ALMS1: variants seen among roughly 807,000 people sequenced by gnomAD.
ALMS1 encodes centrosome-associated protein ALMS1.
Under a neutral mutation model 352.2 loss-of-function variants are expected in ALMS1, and 271 were observed. That is an observed-to-expected ratio of 0.77 (90% CI 0.70 to 0.85). The LOEUF is 0.85. Among genes scored for constraint, ALMS1 ranks in the 40% least tolerant of loss-of-function variants. ALMS1 has a pLI of 0.00. For missense variants in ALMS1, 5,445 were observed against 4,870.7 expected (o/e 1.12, Z -3.51); for synonymous variants, 1,865 against 1,761.2 (o/e 1.06, Z -1.48).
intron 12 of ALMS1, among the ~76,000 whole-genome samples, chr2:73,535,986 T>A (rs1363929168): frequency 2.0e-5 from 3 of 152,120 alleles, no homozygotes; most frequent in Non-Finnish European, 1.5e-5. Flanking sequence ...CACTAAAGCC[T>A]CTGATACAAC....
intron 16 of ALMS1, among the ~76,000 whole-genome samples, chr2:73,582,059 AT>A (rs1356395168): frequency 2.0e-5 from 3 of 152,130 alleles, no homozygotes; most frequent in Non-Finnish European, 4.4e-5. Flanking sequence ...CATTTTTAAT[AT>A]CTTTGCCTTT....
chr2:73,468,438 T>C (rs770188842), intron 9 of ALMS1, among the ~76,000 whole-genome samples: 1 of 152,070 alleles, frequency 6.6e-6, no homozygotes, highest in Non-Finnish European at 1.5e-5. Context: ...AGTTTACTGG[T>C]GTTAAGTACA....
intron 11 of ALMS1, among the ~76,000 whole-genome samples, chr2:73,525,910 G>T (rs941965741): frequency 1.3e-5 from 2 of 152,130 alleles, no homozygotes; most frequent in Non-Finnish European, 2.9e-5. Context: ...ATAGCTTGAG[G>T]TCTTAGATTT....
At chr2:73,573,674 G>A in intron 16 of ALMS1, 1 of 616,678 alleles carries the variant, frequency 1.6e-6, no homozygotes, top group South Asian at 2.0e-5. Context: ...AGTCTGCAAA[G>A]TTTACCCCTG....
chr2:73,572,326 C>T lies in ALMS1; in HGVS notation c.10449C>T (p.Tyr3483=). 6.2e-7 allele frequency: 1 copy of T among 1,605,096 alleles called. No homozygotes were observed. The highest frequency in any genetic ancestry group is 8.5e-7 in the Non-Finnish European group (1 of 1,176,432). ...CTGTCTTCAGGTCAGCAAAGTTTTACATTCATCATCCCGTACACCTACCAA... is the reference window on the plus strand; with the variant it reads ...CTGTCTTCAGGTCAGCAAAGTTTTATATTCATCATCCCGTACACCTACCAA... ...TRSVFRSAKF[Y]IHHPVHLPSD... The change falls in exon 16 of 23, where the codon TAC becomes TAT. Residue 3483 remains tyrosine, a synonymous_variant. Coordinates refer to ENST00000613296, the MANE Select transcript of ALMS1 (RefSeq NM_001378454.1).
chr2:73,544,937 T>C (rs1335891018), intron 12 of ALMS1, among the ~76,000 whole-genome samples: 4 of 152,116 alleles, frequency 2.6e-5, no homozygotes, highest in African/African-American at 9.7e-5. Context: ...TTAGGCCAAC[T>C]GAAATAAGCC....
At chr2:73,560,770 G>A (rs967973076) in intron 15 of ALMS1, among the ~76,000 whole-genome samples, 5 of 152,150 alleles carry the variant, frequency 3.3e-5, no homozygotes, top group South Asian at 2.1e-4. Flanking sequence ...CATACTACAA[G>A]GTAGGTGAAC....
In ALMS1 at chr2:73,573,412, G is replaced by A; in HGVS notation, c.11535G>A (p.Arg3845=). Residue 3845 remains arginine (R), a synonymous_variant, in exon 16 of 23, where the codon AGG becomes AGA. Transcript: ENST00000613296. ...TAGTGACTTCTGAGCACACCAGAAG[G>A]AGACACATCCAGGTACATGGCTACA... ...HPLVTSEHTR[R]RHIQVANHVI... 1 of 1,614,028 alleles carries A rather than the reference G, an allele frequency of 6.2e-7. No homozygotes were observed. The highest frequency in any genetic ancestry group is 8.5e-7 in the Non-Finnish European group (1 of 1,179,982).
intron 3 of ALMS1, among the ~76,000 whole-genome samples, chr2:73,419,530 A>G (rs1481250178): frequency 2.0e-5 from 3 of 151,986 alleles, no homozygotes; most frequent in African/African-American, 7.2e-5. Context: ...TCATTTTATC[A>G]CTTCCCGTTG....
At chr2:73,424,352 TG>T in intron 4 of ALMS1, 77 bp from the exon 5 acceptor site, 1 of 895,072 alleles carries the variant, frequency 1.1e-6, no homozygotes, top group South Asian at 2.4e-5. Flanking sequence ...CAGTGACATA[TG>T]TATTTTTGTG....
intron 16 of ALMS1, among the ~76,000 whole-genome samples, chr2:73,584,427 G>C (rs1675264219): frequency 6.6e-6 from 1 of 152,096 alleles, no homozygotes; most frequent in South Asian, 2.1e-4. Context: ...ATTTCAATCT[G>C]TTGTTTGACT....
Position 73,507,921 on chromosome 2 carries a change from T to C in ALMS1, c.9540-11854T>C, listed in dbSNP as rs187252134. Among the ~76,000 whole-genome samples the C allele has an allele frequency of 1.3e-3, 191 of 152,270 alleles. 2 individuals carry two copies. The highest frequency in any genetic ancestry group is 2.2e-3 in the Admixed American group (34 of 15,300). On this transcript the variant is annotated intron_variant, in intron 10 of 22. Transcript: ENST00000613296. ...TTTCTCCTGTGGGCATTTAGTGCTA[T>C]AAATTTCCCTCTACACACTGCTTTA... is the stretch of plus-strand genomic sequence containing the variant.
chr2:73,431,703 A>G (rs947278641), intron 6 of ALMS1, among the ~76,000 whole-genome samples: 2 of 152,128 alleles, frequency 1.3e-5, no homozygotes, highest in African/African-American at 4.8e-5. Flanking sequence ...TAGTTCTTTG[A>G]TACTCTCATT....
At chr2:73,533,440 C>G (rs1673963694) in intron 11 of ALMS1, among the ~76,000 whole-genome samples, 1 of 152,130 alleles carries the variant, frequency 6.6e-6, no homozygotes, top group African/African-American at 2.4e-5. Flanking sequence ...AGTGTGACTT[C>G]CATTTCTGGG....
intron 1 of ALMS1, among the ~76,000 whole-genome samples, chr2:73,399,756 A>G (rs1476592005): frequency 6.6e-6 from 1 of 151,970 alleles, no homozygotes; most frequent in Non-Finnish European, 1.5e-5. Context: ...GAGTTTCATT[A>G]GGTATGATAT....
At chr2:73,544,148 A>C (rs1674259414) in intron 12 of ALMS1, among the ~76,000 whole-genome samples, 1 of 152,244 alleles carries the variant, frequency 6.6e-6, no homozygotes, top group Admixed American at 6.5e-5. Context: ...TGGATTAATT[A>C]AATGTGGCAC....
chr2:73,424,441 A>G lies in ALMS1; in HGVS notation c.776A>G (p.Asp259Gly), dbSNP rs369122370. The change falls in exon 5 of 23, where the codon GAT (aspartate) becomes GGT (glycine). Residue 259 changes from aspartate to glycine, a missense_variant. Transcript: ENST00000613296. ...LSFAPLRGIP[D>G]KSEDTEWSSR... ...CTATATATTTTCAGGGGAATTCCTG[A>G]TAAGTCTGAAGATACTGAATGGTCT... 3 of 1,558,588 alleles carry G rather than the reference A, an allele frequency of 1.9e-6. No individual in the cohort carries two copies. Among genetic ancestry groups the G allele is most frequent in the East Asian group, 2.3e-5 (1 of 44,074 alleles).
chr2:73,442,345 G>A (rs1015031169), intron 7 of ALMS1, among the ~76,000 whole-genome samples: 3 of 151,884 alleles, frequency 2.0e-5, no homozygotes, highest in Non-Finnish European at 4.4e-5. Context: ...TATGATGATG[G>A]GCACTGCTAT....
chr2:73,555,328 C>A (rs926694877), intron 13 of ALMS1, among the ~76,000 whole-genome samples: 1 of 152,106 alleles, frequency 6.6e-6, no homozygotes, highest in Non-Finnish European at 1.5e-5. Context: ...GGAAACCTAA[C>A]ATACACAGAG....
Sources: allele counts gnomAD v4.1 joint callset (sites outside exome capture counted in the v4.1 genomes callset), GRCh38; gene constraint gnomAD v4.1.1; transcripts MANE v1.5; gene names NCBI Gene and HGNC (gene_info 2026-07-23, HGNC 2026-07-21).